ACBD3: variants seen among roughly 807,000 people sequenced by gnomAD.
ACBD3 encodes Golgi resident protein GCP60.
A neutral mutation model predicts 66.9 loss-of-function variants in ACBD3; 30 were observed. The ratio of observed to expected loss-of-function variants is 0.45; its 90% CI spans 0.34 to 0.61. ACBD3 has a LOEUF of 0.61. Ranked by LOEUF, ACBD3 falls within the 20% of genes least tolerant of loss-of-function variation. The probability of loss-of-function intolerance (pLI) is 0.02; values close to 1 mark genes in which losing one functional copy is unlikely to be tolerated. For synonymous variants in ACBD3, 278 were observed against 259.8 expected (o/e 1.07, Z -0.68); for missense variants, 544 against 664.5 (o/e 0.82, Z 1.99).
At chr1:226,169,458 C>T (rs1286142561) in intron 1 of ACBD3, among the ~76,000 whole-genome samples, 1 of 151,598 alleles carries the variant, frequency 6.6e-6, no homozygotes, top group Non-Finnish European at 1.5e-5. Context: ...ACTGTGTTAG[C>T]CAGGATGGTC....
intron 1 of ACBD3, among the ~76,000 whole-genome samples, chr1:226,184,372 C>T (rs1443924452): frequency 6.6e-6 from 1 of 152,124 alleles, no homozygotes; most frequent in African/African-American, 2.4e-5. Context: ...TTTTTAGTAC[C>T]TGGATATTGC....
chr1:226,148,723 C>T (rs1186561749), intron 7 of ACBD3, among the ~76,000 whole-genome samples: 1 of 152,194 alleles, frequency 6.6e-6, no homozygotes, highest in African/African-American at 2.4e-5. Context: ...GTCTACCTTT[C>T]AAGACCTAAG....
intron 1 of ACBD3, among the ~76,000 whole-genome samples, chr1:226,166,972 T>C (rs1659888244): frequency 6.6e-6 from 1 of 152,022 alleles, no homozygotes; most frequent in South Asian, 2.1e-4. Context: ...AATTTTTTAC[T>C]TTTTGCAGAG....
chr1:226,147,998 AT>A (rs1659491706), intron 7 of ACBD3: 1 of 152,158 alleles, frequency 6.6e-6, no homozygotes, highest in Non-Finnish European at 1.5e-5. Context: ...GGTTTATAAC[AT>A]GGCAGAGTGA....
chr1:226,183,518 T>C (rs1656223039), intron 1 of ACBD3, among the ~76,000 whole-genome samples: 1 of 151,988 alleles, frequency 6.6e-6, no homozygotes, highest in Non-Finnish European at 1.5e-5. Context: ...CGTGAGATAC[T>C]GGTATAAAAC....
Position 226,186,521 on chromosome 1 carries a change from C to G in ACBD3, c.155G>C (p.Gly52Ala). 1 of 1,399,874 alleles carries G rather than the reference C, an allele frequency of 7.1e-7. No homozygotes were observed. Among genetic ancestry groups the G allele is most frequent in the Non-Finnish European group, 9.2e-7 (1 of 1,083,042 alleles). The allele number at this position is 1,399,874 out of a possible 1,614,324, so 86.7% of individuals were successfully genotyped here. Reference sequence around the variant, plus strand: ...GGGCTCGGGCTGCTCCCCTGAGGCGCCCGGGCCGCGACCGGATCCAGGTGG... The same window carrying G: ...GGGCTCGGGCTGCTCCCCTGAGGCGGCCGGGCCGCGACCGGATCCAGGTGG... The part of the protein sequence containing the change: ...PSPPGSGRGP[G>A]ASGEQPEPGE... Residue 52 changes from glycine to alanine, a missense_variant, in exon 1 of 8, where the codon GGC (glycine) becomes GCC (alanine). Coordinates refer to ENST00000366812, the MANE Select transcript of ACBD3 (RefSeq NM_022735.4).
At chr1:226,163,500 TAAAAA>T (rs879922413) in intron 3 of ACBD3, among the ~76,000 whole-genome samples, 2 of 148,998 alleles carry the variant, frequency 1.3e-5, no homozygotes, top group Non-Finnish European at 3.0e-5. Context: ...TCCTTTAGAT[TAAAAA>T]AAAAAATTTC....
At chr1:226,177,931 A>G (rs1250046870) in intron 1 of ACBD3, among the ~76,000 whole-genome samples, 1 of 151,316 alleles carries the variant, frequency 6.6e-6, no homozygotes, top group Non-Finnish European at 1.5e-5. Flanking sequence ...TTTTTTTTGC[A>G]GAGATGGAGT....
intron 2 of ACBD3, among the ~76,000 whole-genome samples, chr1:226,165,253 C>T (rs1385100422): frequency 6.6e-6 from 1 of 152,022 alleles, no homozygotes; most frequent in Non-Finnish European, 1.5e-5. Context: ...TCAGCAGAAC[C>T]TCTGCCTCCC....
intron 3 of ACBD3, among the ~76,000 whole-genome samples, chr1:226,162,159 C>T (rs1659785313): frequency 1.3e-5 from 2 of 152,046 alleles, no homozygotes; most frequent in Non-Finnish European, 1.5e-5. Context: ...AAAGAACAAG[C>T]ACTCGACAAA....
chr1:226,155,254 C>T (rs1254961456), intron 5 of ACBD3, among the ~76,000 whole-genome samples: 4 of 151,894 alleles, frequency 2.6e-5, no homozygotes, highest in Non-Finnish European at 5.9e-5. Flanking sequence ...CCCGTCTCTA[C>T]TAAAAATACA....
chr1:226,165,462 C>T (rs1331960007), intron 2 of ACBD3, among the ~76,000 whole-genome samples: 1 of 152,164 alleles, frequency 6.6e-6, no homozygotes, highest in African/African-American at 2.4e-5. Context: ...TGAACTGCCG[C>T]ACCTGGCCTA....
At chr1:226,159,498 T>C (rs749388957) in intron 4 of ACBD3, 140 bp from the exon 5 acceptor site, 40 of 694,404 alleles carry the variant, frequency 5.8e-5, no homozygotes, top group Non-Finnish European at 8.0e-5. Context: ...TTAGTATGTG[T>C]TCTGGGTCCA....
At chr1:226,161,480 T>C (rs758775066) in intron 4 of ACBD3, 51 bp downstream of exon 4, 1 of 1,598,776 alleles carries the variant, frequency 6.3e-7, no homozygotes, top group Non-Finnish European at 8.5e-7. Flanking sequence ...ATTTTTATTC[T>C]ATTTTTTTTC....
Position 226,152,608 on chromosome 1 carries a change from C to G in ACBD3, c.1102G>C (p.Val368Leu). Reference protein sequence around the residue: ...LENGPKESLPVIAAPSMWTRP... With the variant: ...LENGPKESLPLIAAPSMWTRP... ...GTCCACATGGATGGAGCTGCTATTA[C>G]TGGAAGAGATTCTAAAGGCAATAGG... The change falls in exon 7 of 8, where the codon GTA becomes CTA. Residue 368 changes from valine (V) to leucine (L), a missense_variant. Val to Leu is a conservative substitution (Grantham distance 32). Transcript: ENST00000366812. 1 of 1,613,730 alleles carries G rather than the reference C, an allele frequency of 6.2e-7. No individual in the cohort carries two copies. Among genetic ancestry groups the G allele is most frequent in the Non-Finnish European group, 8.5e-7 (1 of 1,179,768 alleles).
intron 1 of ACBD3, among the ~76,000 whole-genome samples, chr1:226,176,705 A>G (rs963940535): frequency 1.3e-5 from 2 of 151,482 alleles, no homozygotes; most frequent in African/African-American, 4.9e-5. Context: ...AATTATTATC[A>G]TAAAAACTGT....
At chr1:226,181,356 C>T (rs1656166461) in intron 1 of ACBD3, among the ~76,000 whole-genome samples, 2 of 152,284 alleles carry the variant, frequency 1.3e-5, no homozygotes, top group Admixed American at 6.5e-5. Flanking sequence ...TATAAATGCT[C>T]TTGTAGTTGC....
intron 7 of ACBD3, among the ~76,000 whole-genome samples, chr1:226,150,365 G>A (rs892347925): frequency 3.3e-5 from 5 of 149,422 alleles, no homozygotes; most frequent in Non-Finnish European, 7.4e-5. Flanking sequence ...GAGATACCAT[G>A]CCCAGACAGG....
intron 7 of ACBD3, 111 bp from the exon 8 acceptor site, chr1:226,146,932 C>T (rs1659465971): frequency 1.8e-6 from 2 of 1,090,122 alleles, no homozygotes; most frequent in Admixed American, 2.0e-5. Context: ...TGCTCTGTCA[C>T]CCAGGATGGA....
Sources: gnomAD v4.1 joint callset for allele counts (sites outside exome capture counted in the v4.1 genomes callset) on GRCh38, gnomAD v4.1.1 for gene constraint, MANE v1.5 for transcripts, NCBI Gene and HGNC (gene_info 2026-07-23, HGNC 2026-07-21) for gene names.